MAEA: variants seen among roughly 807,000 people sequenced by gnomAD.
MAEA encodes the protein macrophage erythroblast attacher, E3 ubiquitin ligase, also known as E3 ubiquitin-protein transferase MAEA.
MAEA carries 22 observed loss-of-function variants against 46.2 expected under a neutral mutation model. The observed-to-expected ratio is 0.48, with a 90% CI of 0.34 to 0.68. MAEA has a LOEUF of 0.68. Ranked by LOEUF, MAEA falls within the 30% of genes least tolerant of loss-of-function variation. MAEA has a pLI of 0.01. For synonymous variants in MAEA, 246 were observed against 222.6 expected (o/e 1.11, Z -0.94); for missense variants, 393 against 558.1 (o/e 0.70, Z 2.98).
chr4:1,304,883 T>TCGC (rs1258220800), intron 1 of MAEA, among the ~76,000 whole-genome samples: 1 of 152,218 alleles, frequency 6.6e-6, no homozygotes, highest in African/African-American at 2.4e-5. Context: ...CACGCTATAC[T>TCGC]CTATTGAATT....
chr4:1,339,793 C>T lies in MAEA; in HGVS notation c.*624C>T, dbSNP rs1331796019. The T allele has an allele frequency of 2.6e-5, 4 of 153,010 alleles. No individual in the cohort carries two copies. The highest frequency in any genetic ancestry group is 7.2e-5 in the African/African-American group (3 of 41,474). 9.5% of individuals were successfully genotyped at this position (153,010 alleles called of 1,614,324 possible). ...TACGTGCATAGTTTCGATATCACAT[C>T]GCGGGGCTGTGTTCGTAGCTGCGTC... is the stretch of plus-strand genomic sequence containing the variant. On this transcript the variant is annotated 3_prime_UTR_variant, in exon 9 of 9. Transcript: ENST00000303400.
intron 3 of MAEA, among the ~76,000 whole-genome samples, chr4:1,318,364 G>T (rs1374054783): frequency 6.6e-6 from 1 of 152,252 alleles, no homozygotes; most frequent in Non-Finnish European, 1.5e-5. Flanking sequence ...GGGTCCTGTG[G>T]TGGGCACAGG....
At chr4:1,337,194 C>CCCAG in intron 7 of MAEA, 200 bp downstream of exon 7, 1 of 618,092 alleles carries the variant, frequency 1.6e-6, no homozygotes, top group Non-Finnish European at 2.8e-6. Flanking sequence ...GTGCAGCCTT[C>CCCAG]ACTCTGGGAA....
At chr4:1,305,052 A>G (rs943808346) in intron 1 of MAEA, among the ~76,000 whole-genome samples, 25 of 152,256 alleles carry the variant, frequency 1.6e-4, no homozygotes, top group African/African-American at 6.0e-4. Context: ...ATTTATGATG[A>G]TTATTAATAC....
chr4:1,330,002 AG>A, intron 5 of MAEA: 1 of 985,502 alleles, frequency 1.0e-6, no homozygotes, highest in Non-Finnish European at 1.2e-6. Context: ...GGGGCAGGCA[AG>A]GTGAGTCCTG....
At chr4:1,324,983 T>C (rs570129006) in intron 4 of MAEA, among the ~76,000 whole-genome samples, 1 of 151,998 alleles carries the variant, frequency 6.6e-6, no homozygotes, top group South Asian at 2.1e-4. Flanking sequence ...GGGGCCTGAA[T>C]CCATATTTAG....
At position 1,323,521 on chromosome 4, in the gene MAEA, G is replaced by A. The variant is rs539899783; in HGVS notation, c.579+1018G>A. Reference sequence around the variant, plus strand: ...GCCGCCAAAACAAGCACGAAGCAAAGACGGGACGAAAAAGTAGAGCGGCTA... The same window carrying A: ...GCCGCCAAAACAAGCACGAAGCAAAAACGGGACGAAAAAGTAGAGCGGCTA... On this transcript the variant is annotated intron_variant, in intron 4 of 8. Transcript: ENST00000303400. 1.4e-5 allele frequency: 10 copies of A among 702,582 alleles called. No homozygotes were observed. In the South Asian group the frequency reaches 1.5e-4, roughly 10 times the overall value. The allele number at this position is 702,582 out of a possible 1,614,324, so 43.5% of individuals were successfully genotyped here. A position where few individuals can be genotyped will look rare whatever the true frequency, so the allele number is the denominator to read the frequency against.
intron 1 of MAEA, among the ~76,000 whole-genome samples, chr4:1,308,235 CAT>C (rs1560341206): frequency 6.6e-6 from 1 of 152,088 alleles, no homozygotes; most frequent in Non-Finnish European, 1.5e-5. Context: ...CACATCGAAA[CAT>C]AGAAAAGGTG....
chr4:1,308,715 T>C (rs1736079358), intron 1 of MAEA, among the ~76,000 whole-genome samples: 1 of 152,256 alleles, frequency 6.6e-6, no homozygotes, highest in Admixed American at 6.5e-5. Context: ...GTTTATCTTC[T>C]CTGTACAAGT....
intron 5 of MAEA, among the ~76,000 whole-genome samples, chr4:1,328,412 G>A (rs1379751213): frequency 6.6e-6 from 1 of 152,216 alleles, no homozygotes; most frequent in Non-Finnish European, 1.5e-5. Flanking sequence ...TGCTCACCCC[G>A]TCTCGGGGCA....
intron 4 of MAEA, among the ~76,000 whole-genome samples, chr4:1,326,456 G>T (rs1738828147): frequency 6.6e-6 from 1 of 152,196 alleles, no homozygotes; most frequent in African/African-American, 2.4e-5. Flanking sequence ...GTCTCATCTT[G>T]GATGACTGCG....
intron 6 of MAEA, among the ~76,000 whole-genome samples, chr4:1,336,519 G>T (rs142219764): frequency 6.6e-6 from 1 of 151,840 alleles, no homozygotes; most frequent in African/African-American, 2.4e-5. Flanking sequence ...CACTTGTCCC[G>T]CAGCATGTTG....
Sources: gnomAD v4.1 joint callset for allele counts (sites outside exome capture counted in the v4.1 genomes callset) on GRCh38, gnomAD v4.1.1 for gene constraint, MANE v1.5 for transcripts, NCBI Gene and HGNC (gene_info 2026-07-23, HGNC 2026-07-21) for gene names.